CCDC50: variants seen among roughly 807,000 people sequenced by gnomAD.
The protein encoded by CCDC50 is coiled-coil domain containing 50.
In CCDC50, 54 loss-of-function variants were observed where a neutral mutation model predicts 70.2. The ratio of observed to expected loss-of-function variants is 0.77; its 90% CI spans 0.62 to 0.96. CCDC50 has a LOEUF of 0.96. Ranked by LOEUF, CCDC50 falls within the 50% of genes least tolerant of loss-of-function variation. The pLI is 0.00. For synonymous variants in CCDC50, 216 were observed against 198.8 expected, an observed-to-expected ratio of 1.09 and a Z score of -0.73; for missense variants, 558 against 578.7, an observed-to-expected ratio of 0.96 and a Z score of 0.37.
At chr3:191,351,648 G>A (rs1712110280) in intron 1 of CCDC50, among the ~76,000 whole-genome samples, 1 of 141,374 alleles carries the variant, frequency 7.1e-6, no homozygotes, top group Admixed American at 7.3e-5. Flanking sequence ...GACTTCGGAA[G>A]CAAATGCAAG....
At position 191,395,784 on chromosome 3, in the gene CCDC50, G is replaced by A. The variant is rs530710352; in HGVS notation, c.*4024G>A. The A allele has an allele frequency of 3.9e-5, 6 of 152,248 alleles. No individual in the cohort carries two copies. The South Asian group carries it at 1.2e-3, about 32-fold the overall frequency. 9.4% of individuals were successfully genotyped at this position (152,248 alleles called of 1,614,324 possible). On this transcript the variant is annotated 3_prime_UTR_variant, in exon 12 of 12. Transcript: ENST00000392455. ...GGAAAAAAGATTTTTAAATTACTTT[G>A]TCTATTACTTACTGCTCATAGAGAA...
chr3:191,369,263 T>C (rs1443925410), intron 4 of CCDC50, among the ~76,000 whole-genome samples: 2 of 152,188 alleles, frequency 1.3e-5, no homozygotes, highest in Non-Finnish European at 2.9e-5. Flanking sequence ...TTGAGGCATT[T>C]ACAATTTAAT....
chr3:191,384,587 T>C (rs1379143243), intron 10 of CCDC50, among the ~76,000 whole-genome samples: 3 of 152,186 alleles, frequency 2.0e-5, no homozygotes, highest in Non-Finnish European at 2.9e-5. Context: ...ATACTTATGG[T>C]TAGAAATCCA....
At position 191,330,326 on chromosome 3, in the gene CCDC50, C is replaced by G. The variant is rs67197448; in HGVS notation, c.49+603C>G. ...ACACACACACACACACACACACACA[C>G]ACAATAGTGAGCGAGGGGAACAGGG... is the stretch of plus-strand genomic sequence containing the variant. On this transcript the variant is annotated intron_variant, in intron 1 of 11. Transcript: ENST00000392455. 60 of 147,782 alleles carry G rather than the reference C, an allele frequency of 4.1e-4. 1 individual carries two copies. The highest frequency in any genetic ancestry group is 2.0e-3 in the East Asian group (10 of 4,970). 9.2% of individuals were successfully genotyped at this position (147,782 alleles called of 1,614,324 possible).
intron 4 of CCDC50, among the ~76,000 whole-genome samples, chr3:191,361,594 C>T (rs1712490003): frequency 6.6e-6 from 1 of 152,182 alleles, no homozygotes; most frequent in Non-Finnish European, 1.5e-5. Context: ...TCACTTCAGT[C>T]TCTGCCTCCA....
intron 4 of CCDC50, among the ~76,000 whole-genome samples, chr3:191,366,469 G>A (rs532937992): frequency 6.6e-6 from 1 of 151,912 alleles, no homozygotes; most frequent in Non-Finnish European, 1.5e-5. Flanking sequence ...AGTCTTCTGT[G>A]GAACAGGTTT....
intron 1 of CCDC50, among the ~76,000 whole-genome samples, chr3:191,350,736 A>G (rs1484366655): frequency 7.0e-6 from 1 of 142,122 alleles, no homozygotes; most frequent in East Asian, 1.9e-4. Flanking sequence ...CTCATTCTGC[A>G]TACTTGACTG....
At chr3:191,367,458 C>T (rs147708920) in intron 4 of CCDC50, among the ~76,000 whole-genome samples, 101 of 152,012 alleles carry the variant, frequency 6.6e-4, no homozygotes, top group African/African-American at 2.4e-3. Context: ...CTCTTTTCTC[C>T]GAATGTTAAA....
chr3:191,391,733 C>T lies in CCDC50; in HGVS notation c.1430-8C>T. On this transcript the variant is annotated splice_polypyrimidine_tract_variant and splice_region_variant and intron_variant, in intron 11 of 11. Transcript: ENST00000392455. ...TAATTGTGTTTCCTTTTTTCTTCCC[C>T]TCCCCAGGTTTTCATTACAAACATT... 6.2e-7 allele frequency: 1 copy of T among 1,612,700 alleles called. No individual in the cohort carries two copies. Among genetic ancestry groups the T allele is most frequent in the Non-Finnish European group, 8.5e-7 (1 of 1,179,200 alleles).
Position 191,361,179 on chromosome 3 carries a change from C to T in CCDC50, c.330+20C>T. The T allele has an allele frequency of 6.4e-7, 1 of 1,567,590 alleles. No individual in the cohort carries two copies. On this transcript the variant is annotated intron_variant, in intron 4 of 11. Coordinates refer to ENST00000392455, the MANE Select transcript of CCDC50 (RefSeq NM_178335.3). ...GATGAGGTATAACTTAGTTACTGCC[C>T]CTCTCCCTCATGGAGAAAGGGGTGC...
chr3:191,392,463 A>T lies in CCDC50; in HGVS notation c.*703A>T, dbSNP rs1000755967. On this transcript the variant is annotated 3_prime_UTR_variant, in exon 12 of 12. Coordinates refer to ENST00000392455, the MANE Select transcript of CCDC50 (RefSeq NM_178335.3). ...ATTGACAAAAATTTAGTTCTCTGAA[A>T]TTTTAACTCATATATATGAAAAACT... The T allele has an allele frequency of 2.0e-5, 3 of 152,220 alleles. No homozygotes were observed. Among genetic ancestry groups the T allele is most frequent in the Non-Finnish European group, 4.4e-5 (3 of 68,050 alleles). The allele number at this position is 152,220 out of a possible 1,614,324, so 9.4% of individuals were successfully genotyped here.
Position 191,388,439 on chromosome 3 carries a change from T to A in CCDC50, c.1323-1057T>A, listed in dbSNP as rs143907331. On this transcript the variant is annotated intron_variant, in intron 10 of 11. Coordinates refer to ENST00000392455, the MANE Select transcript of CCDC50 (RefSeq NM_178335.3). ...TAACCTAATCTGACTCAAATATGTA[T>A]ATGATAGTTAGCATTAGCATACAGA... 5.6e-4 allele frequency among the ~76,000 whole-genome samples: 86 copies of A among 152,284 alleles called. 3 individuals carry two copies. In the East Asian group the frequency reaches 0.015, roughly 26 times the overall value.
At chr3:191,352,845 G>A (rs1712148483) in intron 1 of CCDC50, among the ~76,000 whole-genome samples, 1 of 142,182 alleles carries the variant, frequency 7.0e-6, no homozygotes, top group African/African-American at 2.5e-5. Context: ...TACTAAATTT[G>A]TTTAAATGAT....
At chr3:191,383,969 A>C (rs1286951805) in intron 10 of CCDC50, among the ~76,000 whole-genome samples, 1 of 152,172 alleles carries the variant, frequency 6.6e-6, no homozygotes, top group Non-Finnish European at 1.5e-5. Context: ...AATGAATTTA[A>C]ATCATCTTTA....
intron 1 of CCDC50, among the ~76,000 whole-genome samples, chr3:191,332,786 A>G (rs1215135791): frequency 6.6e-6 from 1 of 152,210 alleles, no homozygotes; most frequent in East Asian, 1.9e-4. Context: ...AAGACTCCCT[A>G]CTTCCTTTTG....
chr3:191,357,032 T>G, intron 1 of CCDC50, 56 bp from the exon 2 acceptor site: 1 of 1,076,420 alleles, frequency 9.3e-7, no homozygotes, highest in Non-Finnish European at 1.4e-6. Context: ...CTTTCCTTTG[T>G]ATGTTAAAGT....
intron 1 of CCDC50, among the ~76,000 whole-genome samples, chr3:191,333,987 C>T (rs1718065874): frequency 6.6e-6 from 1 of 151,970 alleles, no homozygotes; most frequent in Admixed American, 6.6e-5. Context: ...TGGAGATAAT[C>T]ATTAAGAATA....
chr3:191,340,392 T>A (rs1711680893), intron 1 of CCDC50, among the ~76,000 whole-genome samples: 1 of 152,246 alleles, frequency 6.6e-6, no homozygotes, highest in African/African-American at 2.4e-5. Flanking sequence ...TCATGGAGAT[T>A]TAGCAGAAAG....
At chr3:191,348,951 T>G (rs891913759) in intron 1 of CCDC50, among the ~76,000 whole-genome samples, 1 of 142,126 alleles carries the variant, frequency 7.0e-6, no homozygotes, top group Non-Finnish European at 1.6e-5. Flanking sequence ...GTGAGAAATT[T>G]TAGCTATCAG....
Sources: allele counts gnomAD v4.1 joint callset (sites outside exome capture counted in the v4.1 genomes callset), GRCh38; gene constraint gnomAD v4.1.1; transcripts MANE v1.5; gene names NCBI Gene and HGNC (gene_info 2026-07-23, HGNC 2026-07-21).